Variants in GRXCR2 observed in about 807,000 individuals in gnomAD.
GRXCR2 encodes glutaredoxin and cysteine rich domain containing 2.
GRXCR2 carries 23 observed loss-of-function variants against 24.8 expected under a neutral mutation model. The ratio of observed to expected loss-of-function variants is 0.93; its 90% CI spans 0.67 to 1.32. The LOEUF (loss-of-function observed/expected upper bound fraction) is 1.32. Among genes scored for constraint, GRXCR2 ranks in the 40% most tolerant of loss-of-function variants. GRXCR2 has a pLI of 0.00. For missense variants in GRXCR2, 315 were observed against 303.4 expected, an observed-to-expected ratio of 1.04 and a Z score of -0.28; for synonymous variants, 130 against 116.1, an observed-to-expected ratio of 1.12 and a Z score of -0.77.
intron 2 of GRXCR2, 25 bp from the exon 3 acceptor site, chr5:145,859,940 G>A (rs1756306175): frequency 1.3e-6 from 2 of 1,530,450 alleles, no homozygotes; most frequent in African/African-American, 1.4e-5. Flanking sequence ...TTAGGGTTTA[G>A]TTAAAGCAGC....
intron 2 of GRXCR2, among the ~76,000 whole-genome samples, chr5:145,887,699 T>C (rs904487744): frequency 8.5e-5 from 13 of 152,354 alleles, no homozygotes; most frequent in African/African-American, 2.9e-4. Flanking sequence ...AGCTTTGATA[T>C]ACAGCACATT....
intron 2 of GRXCR2, among the ~76,000 whole-genome samples, chr5:145,908,052 C>A (rs1757114832): frequency 6.6e-6 from 1 of 152,120 alleles, no homozygotes; most frequent in South Asian, 2.1e-4. Context: ...AAGCTCCAGC[C>A]TTACCAGTTC....
intron 2 of GRXCR2, among the ~76,000 whole-genome samples, chr5:145,865,643 G>A (rs1160636255): frequency 4.6e-5 from 7 of 152,160 alleles, no homozygotes; most frequent in Admixed American, 3.9e-4. Context: ...TGACAGTAGC[G>A]TCCAGCTCAC....
intron 2 of GRXCR2, among the ~76,000 whole-genome samples, chr5:145,921,375 C>A (rs765215992): frequency 2.0e-5 from 3 of 152,176 alleles, no homozygotes; most frequent in African/African-American, 7.2e-5. Context: ...TGAAAATCCA[C>A]CTCTACAGCA....
chr5:145,901,162 A>C (rs1263874869), intron 2 of GRXCR2, among the ~76,000 whole-genome samples: 1 of 139,924 alleles, frequency 7.1e-6, no homozygotes, highest in African/African-American at 2.6e-5. Flanking sequence ...GGAAGGAGGG[A>C]GGGGGGCAAG....
chr5:145,901,230 T>C (rs983548471), intron 2 of GRXCR2, among the ~76,000 whole-genome samples: 2 of 152,084 alleles, frequency 1.3e-5, no homozygotes, highest in African/African-American at 4.8e-5. Flanking sequence ...GGATCATTTA[T>C]ACCCCTGACC....
At chr5:145,928,429 T>C (rs867897442) in intron 2 of GRXCR2, among the ~76,000 whole-genome samples, 9 of 152,116 alleles carry the variant, frequency 5.9e-5, no homozygotes, top group Middle Eastern at 3.2e-3. Flanking sequence ...TTATAAATCA[T>C]GCTGCTATAA....
Position 145,859,526 on chromosome 5 carries a change from T to G in GRXCR2, c.*207A>C. The G allele has an allele frequency of 1.7e-6, 1 of 596,164 alleles. No individual in the cohort carries two copies. Among genetic ancestry groups the G allele is most frequent in the South Asian group, 2.0e-5 (1 of 49,262 alleles). The allele number at this position is 596,164 out of a possible 1,614,324, so 36.9% of individuals were successfully genotyped here. A position where few individuals can be genotyped will look rare whatever the true frequency, so the allele number is the denominator to read the frequency against. The stretch of plus-strand genomic sequence containing the variant: ...AACCAGTTTCAAAGCAGACTATAAT[T>G]CAGAAATGCCCCTGCCACTTAGACC... On this transcript the variant is annotated 3_prime_UTR_variant, in exon 3 of 3. Coordinates refer to ENST00000377976, the MANE Select transcript of GRXCR2 (RefSeq NM_001080516.2).
intron 2 of GRXCR2, among the ~76,000 whole-genome samples, chr5:145,903,638 T>C (rs933648018): frequency 6.6e-6 from 1 of 152,146 alleles, no homozygotes; most frequent in Non-Finnish European, 1.5e-5. Context: ...TCTAAAATCA[T>C]GGGTTTGAGT....
chr5:145,878,373 C>T (rs1395160900), intron 2 of GRXCR2, among the ~76,000 whole-genome samples: 1 of 152,066 alleles, frequency 6.6e-6, no homozygotes, highest in Non-Finnish European at 1.5e-5. Flanking sequence ...GAGCTGAAAA[C>T]CATGGCATGA....
chr5:145,886,423 A>G (rs534377447), intron 2 of GRXCR2, among the ~76,000 whole-genome samples: 1 of 152,340 alleles, frequency 6.6e-6, no homozygotes, highest in African/African-American at 2.4e-5. Context: ...CCAGTAGACG[A>G]GGAGTGTGGT....
intron 2 of GRXCR2, among the ~76,000 whole-genome samples, chr5:145,923,695 A>T (rs1326218630): frequency 6.6e-6 from 1 of 152,186 alleles, no homozygotes; most frequent in African/African-American, 2.4e-5. Context: ...TATCACTGGT[A>T]TGTATCCTTA....
At chr5:145,929,385 T>C (rs1353301419) in intron 2 of GRXCR2, among the ~76,000 whole-genome samples, 2 of 151,904 alleles carry the variant, frequency 1.3e-5, no homozygotes, top group Non-Finnish European at 2.9e-5. Flanking sequence ...AGTGAGACCA[T>C]ATTTTTAAGA....
At chr5:145,900,515 G>A (rs956658428) in intron 2 of GRXCR2, among the ~76,000 whole-genome samples, 15 of 152,036 alleles carry the variant, frequency 9.9e-5, no homozygotes, top group African/African-American at 3.4e-4. Flanking sequence ...AGACATACAA[G>A]CAGCAAGCAA....
rs369482867 is a variant in GRXCR2, at chr5:145,911,090, G to A, written c.-70+24611C>T. Among the ~76,000 whole-genome samples the A allele has an allele frequency of 6.2e-4, 94 of 151,930 alleles. 3 individuals are homozygous for A. In the South Asian group the frequency reaches 0.018, roughly 29 times the overall value. On this transcript the variant is annotated intron_variant, in intron 2 of 3. Transcript: ENST00000639411. ...TTTTTATTGAAAATACTTAATTGGC[G>A]AATTAAAATTTTATATGTTCAAGGT...
In GRXCR2 at chr5:145,870,084, C is replaced by T. The variant is rs112038389; in HGVS notation, c.336+2549G>A. ...TATTATCATGGTAATCTGTACATAA[C>T]ATAGAATTTACCATTTTAACCCTTT... is the stretch of plus-strand genomic sequence containing the variant. On this transcript the variant is annotated intron_variant, in intron 1 of 2. Coordinates refer to ENST00000377976, the MANE Select transcript of GRXCR2 (RefSeq NM_001080516.2). 8.1e-3 allele frequency among the ~76,000 whole-genome samples: 1,235 copies of T among 152,198 alleles called. 13 individuals carry two copies. The highest frequency in any genetic ancestry group is 0.02 in the Middle Eastern group (6 of 294).
At position 145,862,405 on chromosome 5, in the gene GRXCR2, C is replaced by G. The variant is rs190724736; in HGVS notation, c.565-2490G>C. On this transcript the variant is annotated intron_variant, in intron 2 of 2. Coordinates refer to ENST00000377976, the MANE Select transcript of GRXCR2 (RefSeq NM_001080516.2). Reference sequence around the variant, plus strand: ...CTTATTCTGGGTTACCACTCTCTGACCACTTACCCTCAACATGCTCTTTTT... The same window carrying G: ...CTTATTCTGGGTTACCACTCTCTGAGCACTTACCCTCAACATGCTCTTTTT... Among the ~76,000 whole-genome samples, 37 of 152,300 alleles carry G rather than the reference C, an allele frequency of 2.4e-4. 1 individual carries two copies. In the East Asian group the frequency reaches 4.8e-3, roughly 20 times the overall value.
At chr5:145,925,527 G>A (rs10783186) in intron 2 of GRXCR2, among the ~76,000 whole-genome samples, 27,715 of 151,978 alleles carry the variant, frequency 0.18, 2,788 homozygotes, top group Non-Finnish European at 0.23. Flanking sequence ...ATTCCAAGTC[G>A]CAAGCTTTCT....
At chr5:145,903,732 C>G (rs1282415849) in intron 2 of GRXCR2, among the ~76,000 whole-genome samples, 5 of 152,140 alleles carry the variant, frequency 3.3e-5, no homozygotes, top group Non-Finnish European at 7.4e-5. Context: ...ACGATGGATA[C>G]AGTGAAGACA....
Sources: gnomAD v4.1 joint callset for allele counts (sites outside exome capture counted in the v4.1 genomes callset) on GRCh38, gnomAD v4.1.1 for gene constraint, MANE v1.5 for transcripts, NCBI Gene and HGNC (gene_info 2026-07-23, HGNC 2026-07-21) for gene names.